Variants in CSMD1 observed in about 807,000 individuals in gnomAD.
The protein encoded by CSMD1 is CUB and Sushi multiple domains 1.
Under a neutral mutation model 417.5 loss-of-function variants are expected in CSMD1, and 213 were observed. The observed-to-expected ratio is 0.51, with a 90% CI of 0.46 to 0.57. The LOEUF is 0.57. Among genes scored for constraint, CSMD1 ranks in the 20% least tolerant of loss-of-function variants. The pLI is 0.00. For missense variants in CSMD1, 6,923 were observed against 4,529.7 expected, an observed-to-expected ratio of 1.53 and a Z score of -15.17; for synonymous variants, 2,862 against 1,736.8, an observed-to-expected ratio of 1.65 and a Z score of -16.11.
At chr8:3,184,011 G>C (rs1821596618) in intron 36 of CSMD1, among the ~76,000 whole-genome samples, 1 of 152,096 alleles carries the variant, frequency 6.6e-6, no homozygotes, top group African/African-American at 2.4e-5. Flanking sequence ...GATGAGACAT[G>C]TTAAAATTCT....
intron 26 of CSMD1, among the ~76,000 whole-genome samples, chr8:3,239,319 C>T (rs1376531525): frequency 1.3e-5 from 2 of 151,928 alleles, no homozygotes; most frequent in East Asian, 1.9e-4. Context: ...GTGGGAAGGC[C>T]AAACCGAGAA....
intron 26 of CSMD1, among the ~76,000 whole-genome samples, chr8:3,261,762 G>A (rs563302668): frequency 6.6e-6 from 1 of 152,184 alleles, no homozygotes; most frequent in Middle Eastern, 3.4e-3. Flanking sequence ...ACGACACACT[G>A]CCTGATTCCC....
chr8:4,684,995 C>G (rs1393874745), intron 1 of CSMD1, among the ~76,000 whole-genome samples: 3 of 152,114 alleles, frequency 2.0e-5, no homozygotes, highest in Non-Finnish European at 4.4e-5. Context: ...AAAAGTGACA[C>G]TAACATAGAA....
At chr8:3,527,478 T>C (rs1797800462) in intron 10 of CSMD1, among the ~76,000 whole-genome samples, 1 of 152,096 alleles carries the variant, frequency 6.6e-6, no homozygotes, top group Non-Finnish European at 1.5e-5. Context: ...GATGTCACTA[T>C]GAAAAGGTTT....
intron 3 of CSMD1, among the ~76,000 whole-genome samples, chr8:4,087,845 C>G (rs566869207): frequency 6.6e-6 from 1 of 152,190 alleles, no homozygotes; most frequent in East Asian, 1.9e-4. Flanking sequence ...ATAATAATGC[C>G]TACCTTACGT....
At position 3,548,672 on chromosome 8, in the gene CSMD1, A is replaced by ACACACC. The variant is rs1275291524; in HGVS notation, c.1344+26272_1344+26273insGGTGTG. 1.1e-4 allele frequency among the ~76,000 whole-genome samples: 16 copies of ACACACC among 146,548 alleles called. No individual in the cohort carries two copies. The East Asian group carries it at 3.6e-3, about 33-fold the overall frequency. ...GGTATTCCATCATACACACACACACACACACACACACACACACACACACAC... is the reference window on the plus strand; with the variant it reads ...GGTATTCCATCATACACACACACACACACACCCACACACACACACACACACACACAC... On this transcript the variant is annotated intron_variant, in intron 10 of 69. Coordinates refer to ENST00000635120, the MANE Select transcript of CSMD1 (RefSeq NM_033225.6).
At chr8:3,009,395 C>T (rs1282979525) in intron 52 of CSMD1, among the ~76,000 whole-genome samples, 1 of 152,172 alleles carries the variant, frequency 6.6e-6, no homozygotes, top group African/African-American at 2.4e-5. Context: ...TAGGGGAATA[C>T]AATATGCTTT....
At chr8:4,631,152 G>GT (rs1802487264) in intron 2 of CSMD1, among the ~76,000 whole-genome samples, 2 of 152,098 alleles carry the variant, frequency 1.3e-5, no homozygotes. Flanking sequence ...CACGAGGTCA[G>GT]GAGTTCTAGA....
chr8:4,831,770 G>A (rs1278787719), intron 1 of CSMD1, among the ~76,000 whole-genome samples: 1 of 152,114 alleles, frequency 6.6e-6, no homozygotes, highest in South Asian at 2.1e-4. Flanking sequence ...ACAACTTTAG[G>A]GAGATGACTG....
intron 1 of CSMD1, among the ~76,000 whole-genome samples, chr8:4,943,679 G>A (rs1808177083): frequency 6.6e-6 from 1 of 152,116 alleles, no homozygotes; most frequent in Non-Finnish European, 1.5e-5. Flanking sequence ...TTTGCAGACT[G>A]AATCACATAT....
At chr8:3,899,539 A>G (rs1462105809) in intron 5 of CSMD1, among the ~76,000 whole-genome samples, 3 of 152,202 alleles carry the variant, frequency 2.0e-5, no homozygotes, top group Non-Finnish European at 2.9e-5. Flanking sequence ...GTGGAAAAAC[A>G]TCTAAGGACA....
chr8:4,448,688 CAT>C (rs1157281892), intron 2 of CSMD1, among the ~76,000 whole-genome samples: 4 of 152,146 alleles, frequency 2.6e-5, no homozygotes, highest in African/African-American at 9.6e-5. Flanking sequence ...TAGGAAAGGT[CAT>C]ATATCTTTTT....
intron 1 of CSMD1, among the ~76,000 whole-genome samples, chr8:4,741,545 TAAG>T (rs1175540652): frequency 2.0e-5 from 3 of 152,198 alleles, no homozygotes; most frequent in Non-Finnish European, 2.9e-5. Context: ...TTTTGAATAA[TAAG>T]AAGAATGAAC....
intron 12 of CSMD1, among the ~76,000 whole-genome samples, chr8:3,422,002 C>T (rs1265827040): frequency 3.3e-5 from 5 of 151,952 alleles, no homozygotes; most frequent in African/African-American, 1.2e-4. Flanking sequence ...GCGTGAGCCA[C>T]CGCGCCCGGC....
At chr8:4,414,397 G>A (rs1255202571) in intron 3 of CSMD1, among the ~76,000 whole-genome samples, 4 of 152,126 alleles carry the variant, frequency 2.6e-5, no homozygotes, top group African/African-American at 4.8e-5. Context: ...GTATAGAACT[G>A]TAGGCCATTT....
At chr8:4,886,356 T>C (rs1266849707) in intron 1 of CSMD1, among the ~76,000 whole-genome samples, 2 of 151,958 alleles carry the variant, frequency 1.3e-5, no homozygotes, top group Admixed American at 6.6e-5. Context: ...ATGTATATTA[T>C]AAATGTATAT....
chr8:3,169,551 C>T (rs35633529), intron 37 of CSMD1, among the ~76,000 whole-genome samples: 17,943 of 151,944 alleles, frequency 0.12, 1,209 homozygotes, highest in Admixed American at 0.21. Context: ...TTAATGAGTG[C>T]AGAGTTTTGC....
At chr8:4,894,501 C>A (rs553867616) in intron 1 of CSMD1, among the ~76,000 whole-genome samples, 1 of 150,016 alleles carries the variant, frequency 6.7e-6, no homozygotes, top group Non-Finnish European at 1.5e-5. Flanking sequence ...TGCAGTGAGC[C>A]GAGATCGCAC....
chr8:4,050,351 G>C (rs886635894), intron 3 of CSMD1, among the ~76,000 whole-genome samples: 5 of 152,078 alleles, frequency 3.3e-5, no homozygotes, highest in Admixed American at 6.5e-5. Context: ...ACCCACTAAA[G>C]TAATTAATCA....
Sources: gnomAD v4.1 joint callset for allele counts (sites outside exome capture counted in the v4.1 genomes callset) on GRCh38, gnomAD v4.1.1 for gene constraint, MANE v1.5 for transcripts, NCBI Gene and HGNC (gene_info 2026-07-23, HGNC 2026-07-21) for gene names.